The following RNF128 variants were observed in gnomAD, a reference collection of about 807,000 sequenced individuals.
RNF128 encodes E3 ubiquitin-protein ligase RNF128.
A neutral mutation model predicts 26.2 loss-of-function variants in RNF128; 13 were observed. The observed-to-expected ratio is 0.50, with a 90% CI of 0.32 to 0.79. The LOEUF (loss-of-function observed/expected upper bound fraction) is 0.79. Ranked by LOEUF, RNF128 falls within the 30% of genes least tolerant of loss-of-function variation. The pLI is 0.03. For missense variants in RNF128, 315 were observed against 349.7 expected, an observed-to-expected ratio of 0.90 and a Z score of 0.79; for synonymous variants, 149 against 142.5, an observed-to-expected ratio of 1.05 and a Z score of -0.32.
chrX:106,749,210 A>G (rs1053431918), intron 1 of RNF128, among the ~76,000 whole-genome samples: 1 of 112,295 alleles, frequency 8.9e-6, no homozygotes, highest in African/African-American at 3.2e-5. Flanking sequence ...TTAAATATCT[A>G]TGATAAATTC....
intron 1 of RNF128, among the ~76,000 whole-genome samples, chrX:106,758,937 G>A (rs192678771): frequency 9.0e-6 from 1 of 111,417 alleles, no homozygotes; most frequent in East Asian, 2.8e-4. Flanking sequence ...GAAGAAAGGA[G>A]ATCACATCAA....
At chrX:106,728,682 G>A (rs1929451188) in intron 1 of RNF128, among the ~76,000 whole-genome samples, 1 of 111,472 alleles carries the variant, frequency 9.0e-6, no homozygotes, top group Non-Finnish European at 1.9e-5. Context: ...CACTGAATTG[G>A]AACTCAGGAG....
chrX:106,739,169 T>A lies in RNF128; in HGVS notation c.484+11772T>A, dbSNP rs189612418. Among the ~76,000 whole-genome samples, 246 of 108,626 alleles carry A rather than the reference T, an allele frequency of 2.3e-3. 3 individuals are homozygous for A. The highest frequency in any genetic ancestry group is 8.1e-3 in the African/African-American group (240 of 29,813). The allele number at this position is 108,626 out of a possible 115,157, so 94.3% of individuals were successfully genotyped here. ...CCTTCCTTCCTTCTTTCTTTCTGAC[T>A]TTTTTTTTGAGACGCAGTCTTGCTC... On this transcript the variant is annotated intron_variant, in intron 1 of 6. Transcript: ENST00000255499.
At chrX:106,718,834 T>C (rs1162627642) in intron 1 of RNF128, among the ~76,000 whole-genome samples, 3 of 112,224 alleles carry the variant, frequency 2.7e-5, no homozygotes, top group Non-Finnish European at 3.8e-5. Context: ...CTGTGAATCA[T>C]GAGTGGCAAG....
intron 3 of RNF128, among the ~76,000 whole-genome samples, chrX:106,785,689 T>G (rs1196749892): frequency 2.7e-5 from 3 of 112,199 alleles, no homozygotes; most frequent in African/African-American, 9.7e-5. Context: ...TTGTGTTGTT[T>G]TAAGCCACTG....
intron 2 of RNF128, among the ~76,000 whole-genome samples, chrX:106,780,723 G>A (rs971461154): frequency 8.9e-6 from 1 of 111,971 alleles, no homozygotes; most frequent in Non-Finnish European, 1.9e-5. Flanking sequence ...GCCTCTTAAA[G>A]GCTTCTTTGC....
chrX:106,770,216 AT>A (rs1930345382), intron 1 of RNF128, among the ~76,000 whole-genome samples: 1 of 111,076 alleles, frequency 9.0e-6, no homozygotes, highest in African/African-American at 3.3e-5. Context: ...TCTGACAATT[AT>A]GTGTCTTGGA....
At chrX:106,723,396 G>A (rs185793134), upstream of RNF128, among the ~76,000 whole-genome samples, 283 of 110,375 alleles carry the variant, frequency 2.6e-3, no homozygotes, top group African/African-American at 9.0e-3. Context: ...GTGAAACCCC[G>A]TCTCTACTAA....
chrX:106,737,437 A>G (rs1377716684), intron 1 of RNF128, among the ~76,000 whole-genome samples: 2 of 111,352 alleles, frequency 1.8e-5, no homozygotes, highest in African/African-American at 6.5e-5. Context: ...TAGTATTTGT[A>G]TATAATATAT....
At chrX:106,766,133 G>T (rs1930230528) in intron 1 of RNF128, among the ~76,000 whole-genome samples, 1 of 111,815 alleles carries the variant, frequency 8.9e-6, no homozygotes. Flanking sequence ...CATTTGGGTT[G>T]GTTCCAAGTC....
intron 1 of RNF128, among the ~76,000 whole-genome samples, chrX:106,764,831 A>T (rs1930187565): frequency 8.9e-6 from 1 of 112,447 alleles, no homozygotes; most frequent in African/African-American, 3.2e-5. Flanking sequence ...ATGCTACATT[A>T]TATAATTAAT....
chrX:106,736,018 T>C (rs767909290), intron 1 of RNF128, among the ~76,000 whole-genome samples: 34 of 110,707 alleles, frequency 3.1e-4, no homozygotes, highest in Non-Finnish European at 6.1e-4. Context: ...CAGTATCCAT[T>C]CTACTCAATA....
intron 6 of RNF128, among the ~76,000 whole-genome samples, chrX:106,792,126 T>C (rs1325998068): frequency 6.3e-5 from 7 of 110,922 alleles, no homozygotes; most frequent in African/African-American, 2.3e-4. Flanking sequence ...GTATTTCTTA[T>C]ATCTAATCTT....
At chrX:106,733,250 C>T (rs1929531482) in intron 1 of RNF128, among the ~76,000 whole-genome samples, 1 of 110,868 alleles carries the variant, frequency 9.0e-6, no homozygotes, top group Admixed American at 9.7e-5. Context: ...TGAAACCAAT[C>T]CCCCATGGAT....
At chrX:106,787,785 A>G in intron 3 of RNF128, 133 bp from the exon 4 acceptor site, 1 of 393,314 alleles carries the variant, frequency 2.5e-6, no homozygotes, top group Non-Finnish European at 4.4e-6. Flanking sequence ...CAGTTACATA[A>G]TCATTCAGTG....
At chrX:106,740,069 G>A (rs771723145) in intron 1 of RNF128, among the ~76,000 whole-genome samples, 2 of 111,733 alleles carry the variant, frequency 1.8e-5, no homozygotes, top group South Asian at 3.7e-4. Context: ...ATAAGAAGAA[G>A]CACCAATTTC....
chrX:106,731,126 A>G (rs907672844), intron 1 of RNF128, among the ~76,000 whole-genome samples: 1 of 112,457 alleles, frequency 8.9e-6, no homozygotes, highest in African/African-American at 3.2e-5. Context: ...AGCTACTATT[A>G]TGTTTTAATC....
intron 2 of RNF128, 77 bp from the exon 3 acceptor site, chrX:106,784,988 T>C: frequency 1.4e-6 from 1 of 700,459 alleles, no homozygotes. Flanking sequence ...TAAATATTTA[T>C]TGATCCTCTC....
chrX:106,724,697 T>A (rs1316050280), upstream of RNF128, among the ~76,000 whole-genome samples: 2 of 112,202 alleles, frequency 1.8e-5, no homozygotes, highest in Non-Finnish European at 3.8e-5. Flanking sequence ...AGGTCTAACC[T>A]CCTCTGGGAA....
Sources: gnomAD v4.1 joint callset for allele counts (sites outside exome capture counted in the v4.1 genomes callset) on GRCh38, gnomAD v4.1.1 for gene constraint, MANE v1.5 for transcripts, NCBI Gene and HGNC (gene_info 2026-07-23, HGNC 2026-07-21) for gene names.